Variants in CGNL1 observed in about 807,000 individuals in gnomAD.
CGNL1 encodes the protein cingulin-like protein 1.
CGNL1 carries 132 observed loss-of-function variants against 141.2 expected under a neutral mutation model. That is an observed-to-expected ratio of 0.93 (90% confidence interval 0.81 to 1.08). CGNL1 has a LOEUF of 1.08. Among genes scored for constraint, CGNL1 ranks in the 50% least tolerant of loss-of-function variants. The probability of loss-of-function intolerance (pLI) is 0.00; values close to 1 mark genes in which losing one functional copy is unlikely to be tolerated. For synonymous variants in CGNL1, 690 were observed against 622.1 expected (o/e 1.11, Z -1.63); for missense variants, 1,870 against 1,588.6 (o/e 1.18, Z -3.01).
In CGNL1 at chr15:57,516,909, G is replaced by A. The variant is rs868260375; in HGVS notation, c.2533G>A (p.Val845Ile). 2 of 1,614,138 alleles carry A rather than the reference G, an allele frequency of 1.2e-6. No individual in the cohort carries two copies. The highest frequency in any genetic ancestry group is 1.7e-6 in the Non-Finnish European group (2 of 1,180,034). The change falls in exon 9 of 19, where the codon GTT becomes ATT. Residue 845 changes from valine (V) to isoleucine (I), a missense_variant. By Grantham distance (29) the Val-to-Ile change is conservative (BLOSUM62 3). Coordinates refer to ENST00000281282, the MANE Select transcript of CGNL1 (RefSeq NM_032866.5). ...QGRSEELERR[V>I]AQLQRQIEDL... ...AAGAAGCGAAGAGCTGGAGCGGAGA[G>A]TTGCTCAGCTTCAAAGGCAGATCGA...
At chr15:57,379,670 G>T (rs1227139562) in intron 1 of CGNL1, among the ~76,000 whole-genome samples, 5 of 152,160 alleles carry the variant, frequency 3.3e-5, no homozygotes, top group Non-Finnish European at 7.3e-5. Context: ...ATGGCTGAGA[G>T]GTTGGCATCA....
Position 57,439,038 on chromosome 15 carries a change from A to C in CGNL1, c.1039A>C (p.Thr347Pro), listed in dbSNP as rs140722834. 1.2e-6 allele frequency: 2 copies of C among 1,614,166 alleles called. No individual in the cohort carries two copies. Among genetic ancestry groups the C allele is most frequent in the East Asian group, 4.5e-5 (2 of 44,880 alleles). The part of the protein sequence containing the change: ...FLPGTGRDID[T>P]GSIPGVDQLI... ...GCCAGGAACTGGACGGGATATTGAT[A>C]CAGGATCAATTCCTGGTGTGGATCA... Residue 347 changes from threonine to proline, a missense_variant, in exon 2 of 19, where the codon ACA becomes CCA. By Grantham distance (38) the Thr-to-Pro change is conservative. Transcript: ENST00000281282.
At chr15:57,509,574 C>T (rs2030043607) in intron 8 of CGNL1, among the ~76,000 whole-genome samples, 1 of 152,114 alleles carries the variant, frequency 6.6e-6, no homozygotes, top group Admixed American at 6.6e-5. Context: ...ATTTATGGTG[C>T]CATGGGGGGT....
At chr15:57,524,896 C>T (rs1189527775) in intron 12 of CGNL1, 145 bp downstream of exon 12, 9 of 824,010 alleles carry the variant, frequency 1.1e-5, no homozygotes, top group African/African-American at 5.2e-5. Flanking sequence ...GGATGGGTTC[C>T]GTGGGCAAAT....
intron 14 of CGNL1, 85 bp downstream of exon 14, chr15:57,531,864 C>A: frequency 1.2e-6 from 1 of 826,352 alleles, no homozygotes. Context: ...TCAGTTAAGT[C>A]CAGGAGAGAA....
intron 1 of CGNL1, among the ~76,000 whole-genome samples, chr15:57,392,515 A>G (rs547960615): frequency 6.6e-6 from 1 of 152,372 alleles, no homozygotes; most frequent in Non-Finnish European, 1.5e-5. Context: ...AAGCAGCTCA[A>G]GTCAGCAAGA....
chr15:57,453,913 T>A (rs3817186), intron 7 of CGNL1, 95 bp downstream of exon 7: 1 of 1,382,598 alleles, frequency 7.2e-7, no homozygotes, highest in East Asian at 2.4e-5. Flanking sequence ...CACTTTCTGA[T>A]GTGCACACCT....
At chr15:57,485,065 A>G (rs78714004) in intron 8 of CGNL1, among the ~76,000 whole-genome samples, 4,220 of 151,684 alleles carry the variant, frequency 0.028, 109 homozygotes, top group Middle Eastern at 0.11. Context: ...TATTGAATTC[A>G]GACTTCCTTT....
At chr15:57,482,677 T>A (rs570862745) in intron 8 of CGNL1, among the ~76,000 whole-genome samples, 73 of 152,360 alleles carry the variant, frequency 4.8e-4, no homozygotes, top group African/African-American at 1.7e-3. Flanking sequence ...ATAGTTTTGA[T>A]GACTGTGGCT....
intron 1 of CGNL1, among the ~76,000 whole-genome samples, chr15:57,389,901 C>T (rs2062523575): frequency 6.8e-6 from 1 of 146,906 alleles, no homozygotes; most frequent in Non-Finnish European, 1.5e-5. Flanking sequence ...TGCAACCTCC[C>T]ACCTCCTGGG....
At chr15:57,525,434 C>T (rs2140144787) in intron 12 of CGNL1, among the ~76,000 whole-genome samples, 1 of 152,370 alleles carries the variant, frequency 6.6e-6, no homozygotes, top group South Asian at 2.1e-4. Context: ...CTCTTGCCAA[C>T]TGGGTCACCT....
At chr15:57,453,606 T>C in intron 6 of CGNL1, 77 bp from the exon 7 acceptor site, 1 of 1,573,142 alleles carries the variant, frequency 6.4e-7, no homozygotes, top group South Asian at 1.2e-5. Context: ...TGTAACCCTC[T>C]GAAGATCAGA....
intron 17 of CGNL1, 50 bp from the exon 18 acceptor site, chr15:57,546,026 T>C: frequency 6.3e-7 from 1 of 1,579,880 alleles, no homozygotes; most frequent in Non-Finnish European, 8.6e-7. Flanking sequence ...AGCTGAGCGC[T>C]GGGGCTGGGC....
chr15:57,500,082 C>T (rs1024066460), intron 8 of CGNL1, among the ~76,000 whole-genome samples: 1 of 152,080 alleles, frequency 6.6e-6, no homozygotes, highest in African/African-American at 2.4e-5. Context: ...CTAGCAGTGA[C>T]TGGATGAGAA....
chr15:57,516,202 C>T (rs1156560557), intron 8 of CGNL1, among the ~76,000 whole-genome samples: 1 of 151,416 alleles, frequency 6.6e-6, no homozygotes, highest in Non-Finnish European at 1.5e-5. Context: ...GAGACCCTGC[C>T]CATGCAAATG....
intron 8 of CGNL1, among the ~76,000 whole-genome samples, chr15:57,483,468 C>CTTTTT (rs60667956): frequency 8.6e-5 from 11 of 127,802 alleles, no homozygotes; most frequent in Admixed American, 1.6e-4. Flanking sequence ...ACAAAGTTTT[C>CTTTTT]TTTTTTTTTT....
At chr15:57,381,366 C>T (rs1214157000) in intron 1 of CGNL1, among the ~76,000 whole-genome samples, 3 of 152,104 alleles carry the variant, frequency 2.0e-5, no homozygotes, top group East Asian at 1.9e-4. Context: ...TCAATACCAG[C>T]CTGGACAACA....
chr15:57,455,625 C>T (rs1214472566), intron 7 of CGNL1, among the ~76,000 whole-genome samples: 2 of 152,146 alleles, frequency 1.3e-5, no homozygotes, highest in Non-Finnish European at 2.9e-5. Flanking sequence ...CAGTGCCAAG[C>T]AACAGAGCAA....
At chr15:57,467,580 T>C (rs2063525348) in intron 8 of CGNL1, among the ~76,000 whole-genome samples, 1 of 151,686 alleles carries the variant, frequency 6.6e-6, no homozygotes, top group African/African-American at 2.4e-5. Context: ...AAAACAAAAA[T>C]AGCTAAAATC....
Sources: gnomAD v4.1 joint callset for allele counts (sites outside exome capture counted in the v4.1 genomes callset) on GRCh38, gnomAD v4.1.1 for gene constraint, MANE v1.5 for transcripts, NCBI Gene and HGNC (gene_info 2026-07-23, HGNC 2026-07-21) for gene names.